Variants in NCKAP5L observed in about 807,000 individuals in gnomAD.
The protein encoded by NCKAP5L is NCK associated protein 5 like.
NCKAP5L carries 54 observed loss-of-function variants against 103.2 expected under a neutral mutation model. That is an observed-to-expected ratio of 0.52 (90% CI 0.42 to 0.66). The LOEUF is 0.66. NCKAP5L is among the 30% of genes least tolerant of loss of function. NCKAP5L has a pLI of 0.00. For missense variants in NCKAP5L, 1,733 were observed against 1,750.6 expected (o/e 0.99, Z 0.18); for synonymous variants, 762 against 748.6 (o/e 1.02, Z -0.29).
At position 49,795,585 on chromosome 12, in the gene NCKAP5L, C is replaced by T. The variant is rs1592747840; in HGVS notation, c.2275G>A (p.Ala759Thr). 3 of 1,559,642 alleles carry T rather than the reference C, an allele frequency of 1.9e-6. No homozygotes were observed. In the South Asian group the frequency reaches 3.7e-5, roughly 19 times the overall value. ...ARVYSSHSMG[A>T]RVDLEPVSPR... ...GAGACAGGCTCCAGGTCCACCCGGG[C>T]CCCCATGGAGTGAGAGGAGTAGACT... The change falls in exon 8 of 13, where the codon GCC becomes ACC. Residue 759 changes from alanine (A) to threonine (T), a missense_variant. Ala to Thr is a moderately conservative substitution (Grantham distance 58, BLOSUM62 0). Coordinates refer to ENST00000335999, the MANE Select transcript of NCKAP5L (RefSeq NM_001037806.4).
rs1331745879 is a variant in NCKAP5L, at chr12:49,795,682, C to A, written c.2178G>T (p.Arg726=). 6.2e-7 allele frequency: 1 copy of A among 1,612,754 alleles called. No individual in the cohort carries two copies. Among genetic ancestry groups the A allele is most frequent in the South Asian group, 1.1e-5 (1 of 90,840 alleles). The change falls in exon 8 of 13, where the codon CGG becomes CGT. Residue 726 remains arginine (R), a synonymous_variant. Coordinates refer to ENST00000335999, the MANE Select transcript of NCKAP5L (RefSeq NM_001037806.4). ...LEQLEAKGGI[R]GAVALGTNSL... is the part of the protein sequence containing the mutation. ...TGTTTGTGCCCAAGGCCACTGCCCC[C>A]CGTATCCCCCCCTTGGCTTCTAGCT...
In NCKAP5L at chr12:49,795,756, C is replaced by A; in HGVS notation, c.2104G>T (p.Gly702Trp). The change falls in exon 8 of 13, where the codon GGG becomes TGG. Residue 702 changes from glycine to tryptophan, a missense_variant. Physicochemically the swap from Gly to Trp is radical, Grantham distance 184 (BLOSUM62 -2). Coordinates refer to ENST00000335999, the MANE Select transcript of NCKAP5L (RefSeq NM_001037806.4). Reference protein sequence around the residue: ...TEKTRGPGKSGESAGDMVPSI... With the variant: ...TEKTRGPGKSWESAGDMVPSI... Reference sequence around the variant, plus strand: ...GGCACCATGTCTCCAGCACTCTCCCCTGACTTCCCAGGTCCCCGGGTCTTT... The same window carrying A: ...GGCACCATGTCTCCAGCACTCTCCCATGACTTCCCAGGTCCCCGGGTCTTT... 1 of 1,597,642 alleles carries A rather than the reference C, an allele frequency of 6.3e-7. No individual in the cohort carries two copies. The highest frequency in any genetic ancestry group is 1.3e-5 in the African/African-American group (1 of 74,530).
At chr12:49,824,328 T>C (rs960433689) in intron 1 of NCKAP5L, among the ~76,000 whole-genome samples, 1 of 152,156 alleles carries the variant, frequency 6.6e-6, no homozygotes, top group Non-Finnish European at 1.5e-5. Context: ...GCACAGTCCA[T>C]GAAGTGGGAG....
Position 49,792,904 on chromosome 12 carries a change from G to T in NCKAP5L, c.3423C>A (p.Ser1141Arg). 6.5e-7 allele frequency: 1 copy of T among 1,546,466 alleles called. No individual in the cohort carries two copies. Among genetic ancestry groups the T allele is most frequent in the Non-Finnish European group, 8.7e-7 (1 of 1,153,074 alleles). Residue 1141 changes from serine to arginine, a missense_variant, in exon 11 of 13, where the codon AGC (serine) becomes AGA (arginine). By Grantham distance (110) the Ser-to-Arg change is moderately radical. Transcript: ENST00000335999. The surrounding 1 kb of genome is among the most constrained non-coding windows in gnomAD (Gnocchi z 4.5). ...GTGGCTTGGTCTTAGGAAGATTCTT[G>T]CTGGGGGTCCCACTGCTACCATGGT... ...PPDHGSSGTP[S>R]KNLPKTKPPR...
At chr12:49,819,381 G>A (rs1946336776) in intron 1 of NCKAP5L, among the ~76,000 whole-genome samples, 1 of 151,930 alleles carries the variant, frequency 6.6e-6, no homozygotes, top group Non-Finnish European at 1.5e-5. Context: ...AGAGATATCT[G>A]TACTCCCATG....
intron 1 of NCKAP5L, among the ~76,000 whole-genome samples, chr12:49,821,295 A>G (rs1361182426): frequency 6.6e-6 from 1 of 152,202 alleles, no homozygotes; most frequent in East Asian, 1.9e-4. Flanking sequence ...ATGGAAAGAA[A>G]GCCTCCAGCT....
At chr12:49,816,895 G>A (rs1490103390) in intron 1 of NCKAP5L, among the ~76,000 whole-genome samples, 3 of 151,842 alleles carry the variant, frequency 2.0e-5, no homozygotes, top group African/African-American at 4.8e-5. Flanking sequence ...TTTCTGAACC[G>A]ACAAACTTAC....
At chr12:49,793,174 G>A (rs73309058) in intron 10 of NCKAP5L, among the ~76,000 whole-genome samples, 178 bp downstream of exon 10, 2,070 of 152,304 alleles carry the variant, frequency 0.014, 46 homozygotes, top group African/African-American at 0.047. Context: ...TAGGTGGGGC[G>A]AGTACCCTGA....
rs878891505 is a variant in NCKAP5L at position 49,794,827 on chromosome 12, C to A, written c.3033G>T (p.Val1011=). The change falls in exon 8 of 13, where the codon GTG becomes GTT. Residue 1011 remains valine, a synonymous_variant. Coordinates refer to ENST00000335999, the MANE Select transcript of NCKAP5L (RefSeq NM_001037806.4). The stretch of plus-strand genomic sequence containing the variant: ...GGTACATGCCAGCCAGCTGGCCCTG[C>A]ACCTGCCCCAGCCCCGTGTTGGGCC... The part of the protein sequence containing the change: ...APGPNTGLGQ[V]QGQLAGMYQG... The A allele has an allele frequency of 6.5e-7, 1 of 1,542,784 alleles. No individual in the cohort carries two copies. The highest frequency in any genetic ancestry group is 8.7e-7 in the Non-Finnish European group (1 of 1,144,948).
rs2136998568 is a variant in NCKAP5L, at chr12:49,795,762, T to G, written c.2098A>C (p.Lys700Gln). The G allele has an allele frequency of 6.3e-7, 1 of 1,594,796 alleles. No individual in the cohort carries two copies. The highest frequency in any genetic ancestry group is 2.3e-5 in the East Asian group (1 of 43,512). The change falls in exon 8 of 13, where the codon AAG becomes CAG. Residue 700 changes from lysine to glutamine, a missense_variant. Lys to Gln is a moderately conservative substitution (Grantham distance 53, BLOSUM62 1). Transcript: ENST00000335999. ...ATGTCTCCAGCACTCTCCCCTGACT[T>G]CCCAGGTCCCCGGGTCTTTTCGGTG... Reference protein sequence around the residue: ...PGTEKTRGPGKSGESAGDMVP... With the variant: ...PGTEKTRGPGQSGESAGDMVP...
chr12:49,799,532 G>A (rs1450471516), intron 6 of NCKAP5L, among the ~76,000 whole-genome samples: 1 of 152,012 alleles, frequency 6.6e-6, no homozygotes, highest in African/African-American at 2.4e-5. Context: ...GCCTAGGCTG[G>A]TCTTGAACTC....
At chr12:49,808,002 C>T (rs1946199377) in intron 1 of NCKAP5L, among the ~76,000 whole-genome samples, 3 of 152,218 alleles carry the variant, frequency 2.0e-5, no homozygotes, top group Admixed American at 6.5e-5. Flanking sequence ...AACAACGAAA[C>T]AATGTAGAGT....
At position 49,798,394 on chromosome 12, in the gene NCKAP5L, G is replaced by T; in HGVS notation, c.421C>A (p.Pro141Thr). 1 of 1,575,202 alleles carries T rather than the reference G, an allele frequency of 6.3e-7. No homozygotes were observed. Reference protein sequence around the residue: ...ASPSLSSTEGPAAPLPLGHCA... With the variant: ...ASPSLSSTEGTAAPLPLGHCA... The stretch of plus-strand genomic sequence containing the variant: ...TGCCCCAGAGGCAGCGGGGCAGCCG[G>T]TCCCTCAGTGGAGCTCAGGGAGGGG... The change falls in exon 7 of 13, where the codon CCG becomes ACG. Residue 141 changes from proline (P) to threonine (T), a missense_variant. Transcript: ENST00000335999.
chr12:49,792,452 G>C lies in NCKAP5L; in HGVS notation c.3786C>G (p.Thr1262=). 6.2e-7 allele frequency: 1 copy of C among 1,613,630 alleles called. No homozygotes were observed. The highest frequency in any genetic ancestry group is 8.5e-7 in the Non-Finnish European group (1 of 1,179,714). ...PPRQLEGLPR[T]PMALPVDRKR... is the part of the protein sequence containing the mutation. ...CCTCTGCTGCAATTCTCACCATGGG[G>C]GTCCTGGGCAGCCCCTCCAGTTGTC... The change falls in exon 12 of 13, where the codon ACC becomes ACG. Residue 1262 remains threonine, a synonymous_variant. Coordinates refer to ENST00000335999, the MANE Select transcript of NCKAP5L (RefSeq NM_001037806.4). The surrounding 1 kb of genome is among the most constrained non-coding windows in gnomAD (Gnocchi z 4.5).
intron 1 of NCKAP5L, among the ~76,000 whole-genome samples, chr12:49,807,007 C>T (rs780094688): frequency 1.3e-5 from 2 of 152,194 alleles, no homozygotes; most frequent in African/African-American, 2.4e-5. Flanking sequence ...TCCGTTCACA[C>T]AGAGGCCGAC....
At position 49,796,466 on chromosome 12, in the gene NCKAP5L, G is replaced by A. The variant is rs200373769; in HGVS notation, c.1394C>T (p.Ser465Leu). The change falls in exon 8 of 13, where the codon TCG (serine) becomes TTG (leucine). Residue 465 changes from serine to leucine, a missense_variant. By Grantham distance (145) the Ser-to-Leu change is moderately radical. Coordinates refer to ENST00000335999, the MANE Select transcript of NCKAP5L (RefSeq NM_001037806.4). ...GCCTCCTGGGCTGGGGCTCTTCTCCGAGGTTGGAGGCAGCTTTAGAAACTT... is the reference window on the plus strand; with the variant it reads ...GCCTCCTGGGCTGGGGCTCTTCTCCAAGGTTGGAGGCAGCTTTAGAAACTT... ...GLKFLKLPPT[S>L]EKSPSPGGPQ... 2.4e-5 allele frequency: 37 copies of A among 1,532,060 alleles called. No individual in the cohort carries two copies. Among genetic ancestry groups the A allele is most frequent in the Non-Finnish European group, 3.2e-5 (36 of 1,140,938 alleles). 94.9% of individuals were successfully genotyped at this position (1,532,060 alleles called of 1,614,324 possible).
intron 1 of NCKAP5L, among the ~76,000 whole-genome samples, chr12:49,807,940 G>A (rs945215849): frequency 6.6e-6 from 1 of 152,222 alleles, no homozygotes; most frequent in Non-Finnish European, 1.5e-5. Flanking sequence ...TCTGGAAAAG[G>A]ATAACGCTAA....
At position 49,793,798 on chromosome 12, in the gene NCKAP5L, G is replaced by A. The variant is rs1361879289; in HGVS notation, c.3194C>T (p.Pro1065Leu). ...PVSSDPKSPW[P>L]ACGPRNGLVG... ...CAGGCCATTCCGGGGCCCACAGGCT[G>A]GCCAGGGGCTCTTGGGGTCAGAAGA... is the stretch of plus-strand genomic sequence containing the variant. The change falls in exon 9 of 13, where the codon CCA (proline) becomes CTA (leucine). Residue 1065 changes from proline to leucine, a missense_variant. Physicochemically the swap from Pro to Leu is moderately conservative, Grantham distance 98 (BLOSUM62 -3). Transcript: ENST00000335999. 1.0e-5 allele frequency: 16 copies of A among 1,605,412 alleles called. No individual in the cohort carries two copies. Among genetic ancestry groups the A allele is most frequent in the Non-Finnish European group, 1.4e-5 (16 of 1,175,810 alleles).
rs566066085 is a variant in NCKAP5L at position 49,792,265 on chromosome 12, A to G, written c.3792+181T>C. On this transcript the variant is annotated intron_variant, in intron 12 of 12. Coordinates refer to ENST00000335999, the MANE Select transcript of NCKAP5L (RefSeq NM_001037806.4). This position sits in a 1 kb window ranked among gnomAD's most constrained non-coding sequence, Gnocchi z 4.5. ...AGGGACAGAAACCTTTCCCCACGAGAGAAGTGCAAGGAGGGCAGTGGGGAG... is the reference window on the plus strand; with the variant it reads ...AGGGACAGAAACCTTTCCCCACGAGGGAAGTGCAAGGAGGGCAGTGGGGAG... 2.8e-4 allele frequency: 353 copies of G among 1,279,150 alleles called. No homozygotes were observed. In the African/African-American group the frequency reaches 4.2e-3, roughly 15 times the overall value. 79.2% of individuals were successfully genotyped at this position (1,279,150 alleles called of 1,614,324 possible). A position where few individuals can be genotyped will look rare whatever the true frequency, so the allele number is the denominator to read the frequency against.
Sources: allele counts gnomAD v4.1 joint callset (sites outside exome capture counted in the v4.1 genomes callset), GRCh38; gene constraint gnomAD v4.1.1; non-coding constraint Gnocchi (gnomAD v3.1); transcripts MANE v1.5; gene names NCBI Gene and HGNC (gene_info 2026-07-23, HGNC 2026-07-21).